The following TULP4 variants were observed in gnomAD, a reference collection of about 807,000 sequenced individuals.
TULP4 encodes tubby-related protein 4.
TULP4 carries 16 observed loss-of-function variants against 129.0 expected under a neutral mutation model. That is an observed-to-expected ratio of 0.12 (90% CI 0.08 to 0.19). The LOEUF is 0.19. Among genes scored for constraint, TULP4 ranks in the 10% least tolerant of loss-of-function variants. The pLI is 1.00. For synonymous variants in TULP4, 998 were observed against 854.0 expected (o/e 1.17, Z -2.94); for missense variants, 1,842 against 2,059.1 (o/e 0.89, Z 2.04).
At chr6:158,341,059 T>C (rs955838986) in intron 1 of TULP4, among the ~76,000 whole-genome samples, 4 of 152,180 alleles carry the variant, frequency 2.6e-5, no homozygotes, top group Admixed American at 2.6e-4. Context: ...TTATGCCCAT[T>C]AGCCATGTTC....
chr6:158,356,388 G>A (rs891954660), intron 1 of TULP4, among the ~76,000 whole-genome samples: 1 of 152,176 alleles, frequency 6.6e-6, no homozygotes, highest in Non-Finnish European at 1.5e-5. Context: ...TTTCACAAAT[G>A]GAAGGGTGCA....
chr6:158,481,008 T>C, intron 7 of TULP4, 47 bp from the exon 8 acceptor site: 1 of 1,506,494 alleles, frequency 6.6e-7, no homozygotes, highest in Non-Finnish European at 8.9e-7. Context: ...CCTCTCTCTC[T>C]GCCTCTCTGG....
chr6:158,342,508 A>C (rs1780204913), intron 1 of TULP4, among the ~76,000 whole-genome samples: 1 of 152,198 alleles, frequency 6.6e-6, no homozygotes, highest in Middle Eastern at 3.2e-3. Flanking sequence ...ATCCATTCAG[A>C]GATGTAATTG....
upstream of TULP4, among the ~76,000 whole-genome samples, chr6:158,307,991 C>T (rs6455564): frequency 6.6e-6 from 1 of 151,368 alleles, no homozygotes; most frequent in Non-Finnish European, 1.5e-5. Flanking sequence ...CTCAGTTTTT[C>T]TTTTCTTTTT....
intron 1 of TULP4, among the ~76,000 whole-genome samples, chr6:158,366,667 A>G (rs1391092028): frequency 6.6e-6 from 1 of 152,104 alleles, no homozygotes; most frequent in African/African-American, 2.4e-5. Flanking sequence ...TTGTTGTACC[A>G]TGTGTCTTGT....
At chr6:158,258,077 C>T (rs571446994) in intron 1 of TULP4, among the ~76,000 whole-genome samples, 3 of 151,084 alleles carry the variant, frequency 2.0e-5, no homozygotes, top group Non-Finnish European at 4.4e-5. Flanking sequence ...AAACAATCAG[C>T]GGAAAGGACT....
chr6:158,461,782 G>A lies in TULP4; in HGVS notation c.1026+53G>A, dbSNP rs115887292. The A allele has an allele frequency of 2.8e-4, 429 of 1,529,348 alleles. 1 individual carries two copies. In the African/African-American group the frequency reaches 5.1e-3, roughly 18 times the overall value. The allele number at this position is 1,529,348 out of a possible 1,614,324, so 94.7% of individuals were successfully genotyped here. Reference sequence around the variant, plus strand: ...ATTTTCAGCAGTATACTAGTGAATAGGTTATTATAATTATTGTTGACAAAT... The same window carrying A: ...ATTTTCAGCAGTATACTAGTGAATAAGTTATTATAATTATTGTTGACAAAT... On this transcript the variant is annotated intron_variant, in intron 6 of 13. Transcript: ENST00000367097.
intron 1 of TULP4, among the ~76,000 whole-genome samples, chr6:158,240,365 C>A (rs1211877406): frequency 1.3e-5 from 1 of 78,920 alleles, no homozygotes; most frequent in Non-Finnish European, 2.8e-5. Flanking sequence ...CACCTCCCTC[C>A]CGGACCGGGC....
intron 6 of TULP4, among the ~76,000 whole-genome samples, chr6:158,467,861 A>C (rs1337560715): frequency 6.6e-6 from 1 of 152,208 alleles, no homozygotes; most frequent in Non-Finnish European, 1.5e-5. Flanking sequence ...GGCTCATGGC[A>C]GTCTCAGTAA....
intron 5 of TULP4, among the ~76,000 whole-genome samples, chr6:158,455,583 A>C (rs1261701308): frequency 6.6e-6 from 1 of 151,856 alleles, no homozygotes; most frequent in Non-Finnish European, 1.5e-5. Context: ...CTGAAAGTAC[A>C]AAAATTAGCC....
At chr6:158,309,789 C>G (rs923765483), upstream of TULP4, among the ~76,000 whole-genome samples, 1 of 151,664 alleles carries the variant, frequency 6.6e-6, no homozygotes, top group Non-Finnish European at 1.5e-5. Context: ...CTCGGCAGGC[C>G]GAGGCAGGAG....
At chr6:158,461,930 T>C (rs1402651891) in intron 6 of TULP4, among the ~76,000 whole-genome samples, 3 of 152,102 alleles carry the variant, frequency 2.0e-5, no homozygotes, top group Admixed American at 2.0e-4. Flanking sequence ...GAGCACATAG[T>C]GAATAAGCAG....
At chr6:158,284,410 T>C (rs916229621) in intron 1 of TULP4, among the ~76,000 whole-genome samples, 3 of 152,152 alleles carry the variant, frequency 2.0e-5, no homozygotes, top group African/African-American at 7.2e-5. Context: ...AAGAAAGAAA[T>C]GCAAATCCTT....
chr6:158,440,698 T>G (rs184567388), intron 3 of TULP4, among the ~76,000 whole-genome samples: 73 of 152,324 alleles, frequency 4.8e-4, no homozygotes, highest in Admixed American at 2.0e-3. Context: ...AGGAAAGAAG[T>G]TGGGAGACAG....
At position 158,291,695 on chromosome 6, in the gene TULP4, A is replaced by G. The variant is rs142473030; in HGVS notation, n.116+9317A>G. ...TTTGTCCTTTTTTAATCTATCTTTC[A>G]TTTCTCTTGATCTCTTATATTTCTA... On this transcript the variant is annotated intron_variant and non_coding_transcript_variant, in intron 1 of 1. Transcript: ENST00000432358. 5.2e-4 allele frequency among the ~76,000 whole-genome samples: 78 copies of G among 150,968 alleles called. 1 individual carries two copies. Among genetic ancestry groups the G allele is most frequent in the African/African-American group, 1.8e-3 (72 of 41,072 alleles).
At chr6:158,495,511 C>G (rs951316292) in intron 11 of TULP4, among the ~76,000 whole-genome samples, 2 of 152,084 alleles carry the variant, frequency 1.3e-5, no homozygotes, top group African/African-American at 2.4e-5. Context: ...TTGGTAAACT[C>G]CTGAAGAAAG....
chr6:158,465,019 T>C (rs1779524243), intron 6 of TULP4, among the ~76,000 whole-genome samples: 1 of 152,234 alleles, frequency 6.6e-6, no homozygotes, highest in South Asian at 2.1e-4. Flanking sequence ...ACGTTGGAAT[T>C]TGGTATCTTA....
rs192050934 is a variant in TULP4 at position 158,391,391 on chromosome 6, C to T, written c.253-21674C>T. On this transcript the variant is annotated intron_variant, in intron 1 of 13. Coordinates refer to ENST00000367097, the MANE Select transcript of TULP4 (RefSeq NM_020245.5). The stretch of plus-strand genomic sequence containing the variant: ...TATGTGTAGAGTGCATCGTGTCACC[C>T]AGGGCAAAGGCAGGGAGCCATGACT... Among the ~76,000 whole-genome samples the T allele has an allele frequency of 7.3e-4, 111 of 152,182 alleles. No homozygotes were observed. The East Asian group carries it at 0.016, about 22-fold the overall frequency.
intron 1 of TULP4, among the ~76,000 whole-genome samples, chr6:158,391,214 G>A (rs1777577876): frequency 6.6e-6 from 1 of 152,138 alleles, no homozygotes; most frequent in African/African-American, 2.4e-5. Flanking sequence ...AGGGATGGGT[G>A]TTATTTATTT....
Sources: allele counts gnomAD v4.1 joint callset (sites outside exome capture counted in the v4.1 genomes callset), GRCh38; gene constraint gnomAD v4.1.1; transcripts MANE v1.5; gene names NCBI Gene and HGNC (gene_info 2026-07-23, HGNC 2026-07-21).